Variants in PRKG1 observed in about 807,000 individuals in gnomAD.
PRKG1 encodes protein kinase cGMP-dependent 1.
A neutral mutation model predicts 88.1 loss-of-function variants in PRKG1; 35 were observed. The ratio of observed to expected loss-of-function variants is 0.40; its 90% CI spans 0.30 to 0.53. The LOEUF (loss-of-function observed/expected upper bound fraction) is 0.53, where lower values mean the gene tolerates loss of function less well. Ranked by LOEUF, PRKG1 falls within the 20% of genes least tolerant of loss-of-function variation. PRKG1 has a pLI of 0.59. For synonymous variants in PRKG1, 303 were observed against 292.5 expected (o/e 1.04, Z -0.37); for missense variants, 540 against 839.8 (o/e 0.64, Z 4.41).
intron 1 of PRKG1, among the ~76,000 whole-genome samples, chr10:51,059,144 A>G (rs1288440478): frequency 6.6e-6 from 1 of 152,170 alleles, no homozygotes; most frequent in East Asian, 1.9e-4. Flanking sequence ...TATGTCAATA[A>G]TTATGCAATA....
intron 5 of PRKG1, among the ~76,000 whole-genome samples, chr10:51,982,182 A>G (rs555399504): frequency 3.9e-5 from 6 of 152,086 alleles, no homozygotes; most frequent in Non-Finnish European, 7.4e-5. Context: ...ATTCTTTTCT[A>G]TACTGGCTAT....
chr10:51,230,988 C>G (rs1838829523), intron 2 of PRKG1, among the ~76,000 whole-genome samples: 2 of 152,106 alleles, frequency 1.3e-5, no homozygotes, highest in Admixed American at 1.3e-4. Flanking sequence ...TCAGCTGTCC[C>G]CAGTGCCCTG....
intron 1 of PRKG1, among the ~76,000 whole-genome samples, chr10:51,022,981 T>C (rs897138331): frequency 2.1e-4 from 32 of 152,190 alleles, no homozygotes; most frequent in African/African-American, 7.0e-4. Flanking sequence ...TGGGCGACAA[T>C]AGCGAAGCTC....
intron 2 of PRKG1, among the ~76,000 whole-genome samples, chr10:51,313,117 T>G (rs1841234493): frequency 6.6e-6 from 1 of 151,904 alleles, no homozygotes; most frequent in Non-Finnish European, 1.5e-5. Context: ...TGTGGGATTG[T>G]TTTTGAGTCA....
At chr10:51,731,860 A>T (rs2132472143) in intron 3 of PRKG1, among the ~76,000 whole-genome samples, 1 of 152,274 alleles carries the variant, frequency 6.6e-6, no homozygotes, top group East Asian at 1.9e-4. Context: ...CAAGGTGTTT[A>T]AAGTAGGATT....
At chr10:51,701,780 A>G (rs1841474707) in intron 3 of PRKG1, among the ~76,000 whole-genome samples, 1 of 151,072 alleles carries the variant, frequency 6.6e-6, no homozygotes, top group African/African-American at 2.4e-5. Context: ...AATATGTTGC[A>G]AAATTCGTAG....
At chr10:52,143,483 CCT>C (rs1300545866) in intron 8 of PRKG1, among the ~76,000 whole-genome samples, 1 of 152,138 alleles carries the variant, frequency 6.6e-6, no homozygotes, top group African/African-American at 2.4e-5. Flanking sequence ...AAAATCACCC[CCT>C]GTTAGGAAGG....
At chr10:51,652,005 TAGAGA>T (rs1428086443) in intron 3 of PRKG1, among the ~76,000 whole-genome samples, 3 of 152,206 alleles carry the variant, frequency 2.0e-5, no homozygotes, top group African/African-American at 4.8e-5. Context: ...TTATTTAGTT[TAGAGA>T]AGAGATTTCC....
At chr10:50,998,057 A>G (rs1207076869) in intron 1 of PRKG1, among the ~76,000 whole-genome samples, 1 of 152,186 alleles carries the variant, frequency 6.6e-6, no homozygotes, top group Non-Finnish European at 1.5e-5. Context: ...AGCATCTTAT[A>G]GTTTGTAAAA....
chr10:51,174,028 T>C (rs754617719), intron 2 of PRKG1, among the ~76,000 whole-genome samples: 8 of 151,926 alleles, frequency 5.3e-5, no homozygotes, highest in Non-Finnish European at 1.2e-4. Context: ...CCCTCAAGTA[T>C]ATTTTTGACT....
At chr10:51,560,224 A>C (rs905737102) in intron 3 of PRKG1, among the ~76,000 whole-genome samples, 1 of 152,114 alleles carries the variant, frequency 6.6e-6, no homozygotes, top group African/African-American at 2.4e-5. Context: ...GGATCTGTGC[A>C]AAAGCACAAA....
intron 2 of PRKG1, among the ~76,000 whole-genome samples, chr10:51,337,830 G>A (rs1430137296): frequency 6.6e-6 from 1 of 152,122 alleles, no homozygotes; most frequent in Non-Finnish European, 1.5e-5. Flanking sequence ...ACCATTTGGA[G>A]GAGGGTGTGG....
At chr10:52,284,573 G>C (rs984051926) in intron 14 of PRKG1, among the ~76,000 whole-genome samples, 4 of 151,930 alleles carry the variant, frequency 2.6e-5, no homozygotes, top group African/African-American at 9.7e-5. Flanking sequence ...AAACACACCT[G>C]CCAAACACTA....
chr10:51,044,925 G>A (rs1359033146), intron 1 of PRKG1, among the ~76,000 whole-genome samples: 1 of 152,144 alleles, frequency 6.6e-6, no homozygotes, highest in African/African-American at 2.4e-5. Flanking sequence ...AAATGTCTGG[G>A]GATGGATTTA....
At chr10:51,075,205 C>A (rs1317780082) in intron 1 of PRKG1, among the ~76,000 whole-genome samples, 2 of 152,104 alleles carry the variant, frequency 1.3e-5, no homozygotes, top group Non-Finnish European at 2.9e-5. Context: ...TGTGTCCGAC[C>A]GTGTGTGTGA....
At chr10:51,709,175 T>C (rs1216063539) in intron 3 of PRKG1, among the ~76,000 whole-genome samples, 1 of 152,232 alleles carries the variant, frequency 6.6e-6, no homozygotes, top group East Asian at 1.9e-4. Flanking sequence ...AAAAATGGTC[T>C]AATATAAAAC....
chr10:51,085,634 TC>T (rs1440706557), intron 1 of PRKG1, among the ~76,000 whole-genome samples: 2 of 152,138 alleles, frequency 1.3e-5, no homozygotes, highest in African/African-American at 4.8e-5. Flanking sequence ...GGAGATCGAT[TC>T]AGTGAGTTCC....
chr10:51,216,617 A>T (rs1838378340), intron 2 of PRKG1, among the ~76,000 whole-genome samples: 1 of 152,232 alleles, frequency 6.6e-6, no homozygotes. Context: ...AACTTTTCTT[A>T]TAATAAATGC....
intron 3 of PRKG1, among the ~76,000 whole-genome samples, chr10:51,704,159 T>TTAAA (rs1157369848): frequency 1.4e-5 from 2 of 139,450 alleles, no homozygotes; most frequent in African/African-American, 5.4e-5. Flanking sequence ...AAAAAAAAAA[T>TTAAA]TAAATAAATA....
Sources: gnomAD v4.1 joint callset for allele counts (sites outside exome capture counted in the v4.1 genomes callset) on GRCh38, gnomAD v4.1.1 for gene constraint, MANE v1.5 for transcripts, NCBI Gene and HGNC (gene_info 2026-07-23, HGNC 2026-07-21) for gene names.